FAM135B: variants seen among roughly 807,000 people sequenced by gnomAD.
The protein encoded by FAM135B is protein FAM135B.
In FAM135B, 43 loss-of-function variants were observed where a neutral mutation model predicts 127.7. The observed-to-expected ratio is 0.34, with a 90% CI of 0.26 to 0.43. The LOEUF is 0.43. FAM135B is among the 20% of genes least tolerant of loss of function. The pLI is 1.00. For synonymous variants in FAM135B, 670 were observed against 665.1 expected (o/e 1.01, Z -0.11); for missense variants, 1,558 against 1,725.6 (o/e 0.90, Z 1.72).
At chr8:138,326,260 T>A (rs1827792498) in intron 2 of FAM135B, among the ~76,000 whole-genome samples, 1 of 152,168 alleles carries the variant, frequency 6.6e-6, no homozygotes, top group African/African-American at 2.4e-5. Flanking sequence ...TGCTGGTCTG[T>A]CATCCAGGGA....
chr8:138,218,918 A>T (rs1367277017), intron 7 of FAM135B, among the ~76,000 whole-genome samples: 1 of 152,240 alleles, frequency 6.6e-6, no homozygotes, highest in Non-Finnish European at 1.5e-5. Context: ...AAGAAAATGA[A>T]ATTGAACCAA....
intron 2 of FAM135B, among the ~76,000 whole-genome samples, chr8:138,331,570 G>T (rs976283960): frequency 2.6e-5 from 4 of 152,074 alleles, no homozygotes; most frequent in Non-Finnish European, 5.9e-5. Flanking sequence ...GACTCTTTGA[G>T]CCACAAAACC....
chr8:138,370,390 C>A (rs997513972), intron 1 of FAM135B, among the ~76,000 whole-genome samples: 1 of 152,022 alleles, frequency 6.6e-6, no homozygotes, highest in South Asian at 2.1e-4. Flanking sequence ...GCATTATAAC[C>A]AAACACCCAT....
intron 1 of FAM135B, among the ~76,000 whole-genome samples, chr8:138,370,846 A>G (rs1831067241): frequency 6.6e-6 from 1 of 152,250 alleles, no homozygotes; most frequent in Middle Eastern, 3.4e-3. Flanking sequence ...TCTTGGTCCC[A>G]ACCTTCTCCC....
intron 1 of FAM135B, among the ~76,000 whole-genome samples, chr8:138,392,134 T>C (rs1346067470): frequency 1.3e-5 from 2 of 152,214 alleles, no homozygotes; most frequent in Non-Finnish European, 2.9e-5. Context: ...ACGTCTGGAA[T>C]GTAACCATCT....
intron 9 of FAM135B, among the ~76,000 whole-genome samples, chr8:138,187,984 T>A (rs529143742): frequency 4.6e-5 from 7 of 152,250 alleles, no homozygotes; most frequent in African/African-American, 1.7e-4. Context: ...TTAGAGAGGT[T>A]CTGGGTTAGT....
intron 3 of FAM135B, among the ~76,000 whole-genome samples, chr8:138,289,924 A>T (rs1824977213): frequency 6.6e-6 from 1 of 152,224 alleles, no homozygotes; most frequent in Non-Finnish European, 1.5e-5. Context: ...GTTGCCTGTG[A>T]CATGACAGAT....
intron 7 of FAM135B, among the ~76,000 whole-genome samples, chr8:138,232,992 T>C (rs1009761552): frequency 6.6e-6 from 1 of 152,196 alleles, no homozygotes; most frequent in African/African-American, 2.4e-5. Flanking sequence ...TCTTTTTCTA[T>C]GAGCTTGACT....
rs990808092 is a variant in FAM135B at position 138,132,428 on chromosome 8, G to A, written c.*165C>T. ...TTTAGTCTATTTGCTCAGCTTTCTC[G>A]AATCTCCAAAACAAAAGCACCTCTC... On this transcript the variant is annotated 3_prime_UTR_variant, in exon 20 of 20. Transcript: ENST00000395297. The surrounding 1 kb of genome is among the most constrained non-coding windows in gnomAD (Gnocchi z 4.5). 1.3e-5 allele frequency: 8 copies of A among 621,448 alleles called. No individual in the cohort carries two copies. Among genetic ancestry groups the A allele is most frequent in the South Asian group, 1.2e-4 (6 of 50,018 alleles). 38.5% of individuals were successfully genotyped at this position (621,448 alleles called of 1,614,324 possible). A position where few individuals can be genotyped will look rare whatever the true frequency, so the allele number is the denominator to read the frequency against.
chr8:138,297,479 T>C (rs1413836111), intron 3 of FAM135B, among the ~76,000 whole-genome samples: 1 of 152,210 alleles, frequency 6.6e-6, no homozygotes, highest in Non-Finnish European at 1.5e-5. Context: ...AAATATTTAC[T>C]AAAATAATAA....
At chr8:138,139,602 G>A (rs1165726395) in intron 17 of FAM135B, among the ~76,000 whole-genome samples, 6 of 152,066 alleles carry the variant, frequency 3.9e-5, no homozygotes, top group East Asian at 3.9e-4. Flanking sequence ...GTGAAATCCC[G>A]ACTCTATTAA....
In FAM135B at chr8:138,167,744, T is replaced by G. The variant is rs192111507; in HGVS notation, c.1258+151A>C. 4,937 of 917,918 alleles carry G rather than the reference T, an allele frequency of 5.4e-3. 68 individuals carry two copies. Among genetic ancestry groups the G allele is most frequent in the African/African-American group, 0.039 (2,291 of 58,832 alleles). The allele number at this position is 917,918 out of a possible 1,614,324, so 56.9% of individuals were successfully genotyped here. ...TCTATTTCATGGAAACAAAGTCATT[T>G]CAAACCATTACTTTGTTTCCTCTCT... is the stretch of plus-strand genomic sequence containing the variant. On this transcript the variant is annotated intron_variant, in intron 12 of 19. Transcript: ENST00000395297.
chr8:138,290,679 C>A (rs1429786875), intron 3 of FAM135B, among the ~76,000 whole-genome samples: 1 of 152,096 alleles, frequency 6.6e-6, no homozygotes, highest in African/African-American at 2.4e-5. Flanking sequence ...GGGAGCAGAA[C>A]CTGCTCTGGA....
intron 7 of FAM135B, among the ~76,000 whole-genome samples, chr8:138,199,189 G>A (rs984492743): frequency 1.3e-5 from 2 of 152,156 alleles, no homozygotes; most frequent in Non-Finnish European, 2.9e-5. Flanking sequence ...CACTCCCAAG[G>A]GTGTTGTATA....
intron 2 of FAM135B, among the ~76,000 whole-genome samples, chr8:138,364,941 G>C (rs1259824597): frequency 6.6e-6 from 1 of 151,980 alleles, no homozygotes; most frequent in East Asian, 1.9e-4. Context: ...TCCACCTCCT[G>C]GTTCAAGCAG....
In FAM135B at chr8:138,448,539, C is replaced by A. The variant is rs373482374; in HGVS notation, c.-20+48132G>T. 4.9e-4 allele frequency among the ~76,000 whole-genome samples: 74 copies of A among 152,096 alleles called. 2 individuals carry two copies. The South Asian group carries it at 0.015, about 32-fold the overall frequency. ...ATCACTTATTTCCAGCCTTTAGACT[C>A]AAACTGAAATATCGGCTCTTCCTGG... On this transcript the variant is annotated intron_variant, in intron 1 of 19. Coordinates refer to ENST00000395297, the MANE Select transcript of FAM135B (RefSeq NM_015912.4).
At chr8:138,473,158 G>C (rs1837782965) in intron 1 of FAM135B, among the ~76,000 whole-genome samples, 1 of 152,084 alleles carries the variant, frequency 6.6e-6, no homozygotes, top group African/African-American at 2.4e-5. Context: ...TTAAGGCCTT[G>C]CATTAATAAT....
intron 1 of FAM135B, among the ~76,000 whole-genome samples, chr8:138,445,958 T>A (rs1350972605): frequency 6.6e-6 from 1 of 151,966 alleles, no homozygotes; most frequent in Non-Finnish European, 1.5e-5. Context: ...CAGCAAAGTC[T>A]CAGCATACAA....
intron 2 of FAM135B, among the ~76,000 whole-genome samples, chr8:138,364,440 C>T (rs1028208399): frequency 9.2e-5 from 14 of 152,122 alleles, no homozygotes; most frequent in African/African-American, 3.1e-4. Flanking sequence ...ATTCACTTCA[C>T]CAAAACCACG....
Sources: allele counts gnomAD v4.1 joint callset (sites outside exome capture counted in the v4.1 genomes callset), GRCh38; gene constraint gnomAD v4.1.1; non-coding constraint Gnocchi (gnomAD v3.1); transcripts MANE v1.5; gene names NCBI Gene and HGNC (gene_info 2026-07-23, HGNC 2026-07-21).